The following PON1 variants were observed in gnomAD, a reference collection of about 807,000 sequenced individuals.
The protein encoded by PON1 is serum paraoxonase/arylesterase 1.
PON1 carries 37 observed loss-of-function variants against 39.2 expected under a neutral mutation model. The observed-to-expected ratio is 0.94, with a 90% CI of 0.73 to 1.24. PON1 has a LOEUF of 1.24. Ranked by LOEUF, PON1 falls within the 50% of genes most tolerant of loss-of-function variation. The pLI is 0.00. For synonymous variants in PON1, 148 were observed against 152.2 expected, an observed-to-expected ratio of 0.97 and a Z score of 0.21; for missense variants, 397 against 413.5, an observed-to-expected ratio of 0.96 and a Z score of 0.35.
At chr7:95,322,662 G>A (rs1340502717) in intron 1 of PON1, among the ~76,000 whole-genome samples, 7 of 152,162 alleles carry the variant, frequency 4.6e-5, no homozygotes, top group Non-Finnish European at 8.8e-5. Flanking sequence ...CCATACAGAT[G>A]CTGCAACATT....
At position 95,311,471 on chromosome 7, in the gene PON1, G is replaced by T; in HGVS notation, c.477C>A (p.Ile159=). 6.2e-7 allele frequency: 1 copy of T among 1,613,792 alleles called. No individual in the cohort carries two copies. Among genetic ancestry groups the T allele is most frequent in the South Asian group, 1.1e-5 (1 of 91,084 alleles). ...AGTACTTAGGCAGAAGTTTATGTCT[G>T]ATGGTTTTTAGATGCAAAAGCGATT... ...EEKSLLHLKT[I]RHKLLPNLND... Residue 159 remains isoleucine (I), a synonymous_variant, in exon 5 of 9, where the codon ATC becomes ATA. Transcript: ENST00000222381.
chr7:95,307,679 C>T (rs909841664), intron 6 of PON1, among the ~76,000 whole-genome samples: 9 of 152,248 alleles, frequency 5.9e-5, no homozygotes, highest in Middle Eastern at 3.4e-3. Flanking sequence ...GCACTACTGA[C>T]GTATCTATAC....
intron 4 of PON1, among the ~76,000 whole-genome samples, chr7:95,312,327 G>A (rs1197450682): frequency 1.3e-5 from 2 of 152,138 alleles, no homozygotes; most frequent in Admixed American, 1.3e-4. Context: ...CCAAGTAGCT[G>A]GGATTACAGG....
Position 95,324,516 on chromosome 7 carries a change from A to G in PON1, c.-41T>C. ...AAGGGATCGATGGGCGCAGACACCG[A>G]CGGGCTAGGAGGCTCTGCCTGCCTG... On this transcript the variant is annotated 5_prime_UTR_variant, in exon 1 of 9. Coordinates refer to ENST00000222381, the MANE Select transcript of PON1 (RefSeq NM_000446.7). 1 of 1,586,054 alleles carries G rather than the reference A, an allele frequency of 6.3e-7. No homozygotes were observed. The highest frequency in any genetic ancestry group is 1.1e-5 in the South Asian group (1 of 89,672).
At chr7:95,307,892 A>T in intron 6 of PON1, 119 bp downstream of exon 6, 1 of 1,030,438 alleles carries the variant, frequency 9.7e-7, no homozygotes, top group Non-Finnish European at 1.5e-6. Flanking sequence ...CATTTTTCCT[A>T]ATTTTATCTC....
chr7:95,298,529 A>C lies in PON1; in HGVS notation c.*415T>G, dbSNP rs918612724. Reference sequence around the variant, plus strand: ...ACTGGAGTCCCTGGGTGAGTACTGGAGTTCTAAAGACACGTGAGCTAACCC... The same window carrying C: ...ACTGGAGTCCCTGGGTGAGTACTGGCGTTCTAAAGACACGTGAGCTAACCC... On this transcript the variant is annotated 3_prime_UTR_variant, in exon 9 of 9. Coordinates refer to ENST00000222381, the MANE Select transcript of PON1 (RefSeq NM_000446.7). 6 of 317,058 alleles carry C rather than the reference A, an allele frequency of 1.9e-5. No homozygotes were observed. In the Admixed American group the frequency reaches 2.1e-4, roughly 11 times the overall value. The allele number at this position is 317,058 out of a possible 1,614,324, so 19.6% of individuals were successfully genotyped here.
In PON1 at chr7:95,298,828, A is replaced by C; in HGVS notation, c.*116T>G. The stretch of plus-strand genomic sequence containing the variant: ...TTAAACAGTGCTTTGATGCTTCATG[A>C]TGTCCACATTTAGGGTCAGCATTCA... On this transcript the variant is annotated 3_prime_UTR_variant, in exon 9 of 9. Transcript: ENST00000222381. 1.6e-6 allele frequency: 2 copies of C among 1,271,580 alleles called. No individual in the cohort carries two copies. Among genetic ancestry groups the C allele is most frequent in the Non-Finnish European group, 2.3e-6 (2 of 876,776 alleles). 78.8% of individuals were successfully genotyped at this position (1,271,580 alleles called of 1,614,324 possible).
At chr7:95,322,346 G>GTA (rs753285630) in intron 1 of PON1, among the ~76,000 whole-genome samples, 6,850 of 136,012 alleles carry the variant, frequency 0.05, 207 homozygotes, top group Non-Finnish European at 0.076. Flanking sequence ...GTGTGTGTGT[G>GTA]TGTGTATATA....
chr7:95,316,329 C>A (rs1285453486), intron 3 of PON1, among the ~76,000 whole-genome samples: 4 of 152,122 alleles, frequency 2.6e-5, no homozygotes, highest in Admixed American at 2.0e-4. Flanking sequence ...AGGGCTTATT[C>A]TGAAATTTGT....
intron 6 of PON1, among the ~76,000 whole-genome samples, chr7:95,307,067 T>C (rs1173017767): frequency 8.4e-6 from 1 of 118,676 alleles, no homozygotes; most frequent in Non-Finnish European, 1.6e-5. Flanking sequence ...TTCTTTTTTT[T>C]TTTTTTAAAA....
chr7:95,302,096 CAAAAAAAAAAA>C, intron 8 of PON1, 98 bp downstream of exon 8: 8 of 319,728 alleles, frequency 2.5e-5, no homozygotes, highest in South Asian at 9.8e-5. Context: ...TACTCTGTCA[CAAAAAAAAAAA>C]AAAAAAAAAA....
chr7:95,299,282 T>C (rs1807364680), intron 8 of PON1, among the ~76,000 whole-genome samples, 180 bp from the exon 9 acceptor site: 1 of 152,164 alleles, frequency 6.6e-6, no homozygotes, highest in South Asian at 2.1e-4. Context: ...TGGGTACTGA[T>C]CTCAAGTGAT....
chr7:95,321,430 T>C (rs1807894668), intron 1 of PON1, among the ~76,000 whole-genome samples: 1 of 152,210 alleles, frequency 6.6e-6, no homozygotes, highest in Admixed American at 6.5e-5. Context: ...TTCACTCTAA[T>C]CAGTCTATTT....
intron 1 of PON1, among the ~76,000 whole-genome samples, chr7:95,318,836 G>T (rs56107341): frequency 1.8e-3 from 270 of 152,292 alleles, no homozygotes; most frequent in African/African-American, 6.3e-3. Flanking sequence ...TTGTGATGTA[G>T]TGCTTGAAAA....
At chr7:95,303,089 A>G (rs1807468155) in intron 7 of PON1, among the ~76,000 whole-genome samples, 1 of 152,136 alleles carries the variant, frequency 6.6e-6, no homozygotes, top group African/African-American at 2.4e-5. Flanking sequence ...AATAATATCT[A>G]CCATGTACCT....
At chr7:95,323,648 C>A (rs898704060) in intron 1 of PON1, among the ~76,000 whole-genome samples, 3 of 152,134 alleles carry the variant, frequency 2.0e-5, no homozygotes, top group Non-Finnish European at 4.4e-5. Flanking sequence ...ATCCCCACCC[C>A]CCTTGTATAG....
At chr7:95,315,689 C>T (rs1403714774) in intron 3 of PON1, among the ~76,000 whole-genome samples, 199 bp from the exon 4 acceptor site, 1 of 152,148 alleles carries the variant, frequency 6.6e-6, no homozygotes, top group Non-Finnish European at 1.5e-5. Flanking sequence ...TCCACTAGGC[C>T]ACCCCACACA....
intron 4 of PON1, among the ~76,000 whole-genome samples, chr7:95,313,380 G>A (rs937275082): frequency 2.6e-5 from 4 of 152,272 alleles, no homozygotes; most frequent in East Asian, 3.9e-4. Flanking sequence ...ACTGAATCCC[G>A]AACTGCCTTG....
rs111880153 is a variant in PON1, at chr7:95,301,537, C to T, written c.909+668G>A. On this transcript the variant is annotated intron_variant, in intron 8 of 8. Transcript: ENST00000222381. Reference sequence around the variant, plus strand: ...TCAGGCAACCCTCTCCACCCACCACCGTCTACCTGTTCTGGCTTCTGGTAT... The same window carrying T: ...TCAGGCAACCCTCTCCACCCACCACTGTCTACCTGTTCTGGCTTCTGGTAT... 2.3e-3 allele frequency among the ~76,000 whole-genome samples: 344 copies of T among 152,282 alleles called. 1 individual carries two copies. The highest frequency in any genetic ancestry group is 7.6e-3 in the African/African-American group (316 of 41,570).
Sources: allele counts gnomAD v4.1 joint callset (sites outside exome capture counted in the v4.1 genomes callset), GRCh38; gene constraint gnomAD v4.1.1; transcripts MANE v1.5; gene names NCBI Gene and HGNC (gene_info 2026-07-23, HGNC 2026-07-21).